Variants in PIAS1 observed in about 807,000 individuals in gnomAD.
PIAS1 encodes the protein E3 SUMO-protein ligase PIAS1.
In PIAS1, 6 loss-of-function variants were observed where a neutral mutation model predicts 71.3. The observed-to-expected ratio is 0.08, with a 90% CI of 0.05 to 0.17. The LOEUF is 0.17. Ranked by LOEUF, PIAS1 falls within the 10% of genes least tolerant of loss-of-function variation. The probability of loss-of-function intolerance (pLI) is 1.00; values close to 1 mark genes in which losing one functional copy is unlikely to be tolerated. For synonymous variants in PIAS1, 303 were observed against 292.9 expected, an observed-to-expected ratio of 1.03 and a Z score of -0.35; for missense variants, 555 against 793.6, an observed-to-expected ratio of 0.70 and a Z score of 3.61.
At chr15:68,085,941 A>T (rs1251224671) in intron 1 of PIAS1, among the ~76,000 whole-genome samples, 1 of 152,190 alleles carries the variant, frequency 6.6e-6, no homozygotes, top group Non-Finnish European at 1.5e-5. Context: ...GCACATCATT[A>T]CGTTTTGCCA....
intron 1 of PIAS1, among the ~76,000 whole-genome samples, chr15:68,066,664 T>G (rs894656234): frequency 1.3e-5 from 2 of 152,168 alleles, no homozygotes; most frequent in Non-Finnish European, 2.9e-5. Context: ...TGTGAAAAAC[T>G]TCAGCCTCTG....
intron 1 of PIAS1, among the ~76,000 whole-genome samples, chr15:68,058,755 A>G (rs1481195717): frequency 6.6e-6 from 1 of 152,202 alleles, no homozygotes; most frequent in Non-Finnish European, 1.5e-5. Flanking sequence ...GTAAGCAGAA[A>G]AATAAACAGT....
At position 68,141,950 on chromosome 15, in the gene PIAS1, A is replaced by G. The variant is rs370413077; in HGVS notation, c.474A>G (p.Ser158=). The change falls in exon 3 of 14, where the codon TCA becomes TCG. Residue 158 remains serine, a synonymous_variant. Transcript: ENST00000249636. ...TATAATTCTTGTCTTCTTTAGCATC[A>G]GACAACAGTCAGCGCTTTCGAGAAA... is the stretch of plus-strand genomic sequence containing the variant. ...DELIKPTSLA[S]DNSQRFRETC... is the part of the protein sequence containing the mutation. 1 of 1,597,856 alleles carries G rather than the reference A, an allele frequency of 6.3e-7. No individual in the cohort carries two copies. The highest frequency in any genetic ancestry group is 1.3e-5 in the African/African-American group (1 of 74,698).
Position 68,054,570 on chromosome 15 carries a change from G to A in PIAS1, c.24+220G>A. ...GGGGCGCTGACGGGTCGTCCCCGGC[G>A]TGTTATTGTTGTGGGCGCCTCTGGC... On this transcript the variant is annotated intron_variant, in intron 1 of 13. Transcript: ENST00000249636. This position sits in a 1 kb window ranked among gnomAD's most constrained non-coding sequence, Gnocchi z 4.6. 1 of 480,220 alleles carries A rather than the reference G, an allele frequency of 2.1e-6. No individual in the cohort carries two copies. The highest frequency in any genetic ancestry group is 3.7e-6 in the Non-Finnish European group (1 of 271,654). 29.7% of individuals were successfully genotyped at this position (480,220 alleles called of 1,614,324 possible). A position where few individuals can be genotyped will look rare whatever the true frequency, so the allele number is the denominator to read the frequency against.
intron 2 of PIAS1, among the ~76,000 whole-genome samples, chr15:68,138,487 T>C (rs776455393): frequency 1.3e-5 from 2 of 152,302 alleles, no homozygotes; most frequent in Non-Finnish European, 2.9e-5. Context: ...TATGAATGAA[T>C]GAATGAGACG....
At chr15:68,064,906 GATTA>G (rs1194829326) in intron 1 of PIAS1, among the ~76,000 whole-genome samples, 2 of 152,014 alleles carry the variant, frequency 1.3e-5, no homozygotes, top group African/African-American at 2.4e-5. Context: ...ACAAGTAATG[GATTA>G]ATTAATTAAT....
chr15:68,087,322 GTGT>G (rs2092292697), intron 2 of PIAS1, among the ~76,000 whole-genome samples: 1 of 152,046 alleles, frequency 6.6e-6, no homozygotes, highest in Admixed American at 6.6e-5. Flanking sequence ...TTATTTTACT[GTGT>G]TGTTCCATCA....
At chr15:68,139,881 G>C (rs1048456724) in intron 2 of PIAS1, among the ~76,000 whole-genome samples, 1 of 152,118 alleles carries the variant, frequency 6.6e-6, no homozygotes, top group Non-Finnish European at 1.5e-5. Flanking sequence ...ACTCATTTCA[G>C]TATGAAGATT....
intron 2 of PIAS1, among the ~76,000 whole-genome samples, chr15:68,115,903 T>C (rs12594639): frequency 6.6e-6 from 1 of 152,248 alleles, no homozygotes; most frequent in African/African-American, 2.4e-5. Flanking sequence ...TAAATTATTG[T>C]TTTTCCATAT....
intron 5 of PIAS1, 112 bp downstream of exon 5, chr15:68,146,018 A>G (rs2092805281): frequency 2.9e-6 from 2 of 686,042 alleles, no homozygotes; most frequent in Non-Finnish European, 5.2e-6. Flanking sequence ...TTTATTTTGG[A>G]TATATATTCA....
chr15:68,182,829 C>T (rs1164210056), intron 12 of PIAS1, among the ~76,000 whole-genome samples: 2 of 152,100 alleles, frequency 1.3e-5, no homozygotes, highest in African/African-American at 4.8e-5. Context: ...TGTAAGCCTT[C>T]GTGTTGTAAT....
Position 68,077,656 on chromosome 15 carries a change from A to G in PIAS1, c.25-8650A>G, listed in dbSNP as rs1217856951. ...TGGAGTTTTAGACAAGAAGATCTTT[A>G]AGTTCTGTTTTTGATACTCTGTTGC... On this transcript the variant is annotated intron_variant, in intron 1 of 13. Transcript: ENST00000249636. 3.3e-5 allele frequency among the ~76,000 whole-genome samples: 5 copies of G among 152,210 alleles called. No individual in the cohort carries two copies. The East Asian group carries it at 9.6e-4, about 29-fold the overall frequency.
chr15:68,083,149 G>GTC (rs2092244831), intron 1 of PIAS1, among the ~76,000 whole-genome samples: 1 of 112,258 alleles, frequency 8.9e-6, no homozygotes, highest in Admixed American at 9.1e-5. Flanking sequence ...ATTTTGTTGT[G>GTC]CTAACAAATG....
In PIAS1 at chr15:68,054,378, A is replaced by C; in HGVS notation, c.24+28A>C. On this transcript the variant is annotated intron_variant, in intron 1 of 13. Coordinates refer to ENST00000249636, the MANE Select transcript of PIAS1 (RefSeq NM_016166.3). The surrounding 1 kb of genome is among the most constrained non-coding windows in gnomAD (Gnocchi z 4.6). ...AAAGCGCAGCTCGAATTCACTTCTA[A>C]TATTCGGCCGCGGAGACGGCGCCGC... The C allele has an allele frequency of 3.2e-6, 5 of 1,561,016 alleles. No individual in the cohort carries two copies. In the South Asian group the frequency reaches 4.7e-5, roughly 15 times the overall value.
At chr15:68,161,259 A>G (rs2092922289) in intron 7 of PIAS1, among the ~76,000 whole-genome samples, 2 of 152,260 alleles carry the variant, frequency 1.3e-5, no homozygotes, top group African/African-American at 4.8e-5. Flanking sequence ...CAAGATTTGT[A>G]TGCCGAAAAC....
chr15:68,091,325 A>G (rs2092331080), intron 2 of PIAS1, among the ~76,000 whole-genome samples: 1 of 152,118 alleles, frequency 6.6e-6, no homozygotes, highest in African/African-American at 2.4e-5. Flanking sequence ...GTTTATAGTT[A>G]TTGTTTAAAT....
intron 1 of PIAS1, among the ~76,000 whole-genome samples, chr15:68,069,335 C>T (rs551370531): frequency 1.6e-4 from 24 of 152,276 alleles, no homozygotes; most frequent in Non-Finnish European, 2.5e-4. Flanking sequence ...TTCTCCCTTA[C>T]GCTCCCCTCC....
chr15:68,069,095 C>A (rs1385840919), intron 1 of PIAS1, among the ~76,000 whole-genome samples: 2 of 151,574 alleles, frequency 1.3e-5, no homozygotes, highest in African/African-American at 2.4e-5. Context: ...GGGGTTTCAC[C>A]ATGTTGGCCA....
chr15:68,167,096 C>T lies in PIAS1; in HGVS notation c.1008+2292C>T, dbSNP rs1185977829. Among the ~76,000 whole-genome samples the T allele has an allele frequency of 6.6e-6, 1 of 152,178 alleles. No individual in the cohort carries two copies. The highest frequency in any genetic ancestry group is 1.5e-5 in the Non-Finnish European group (1 of 68,024). On this transcript the variant is annotated intron_variant, in intron 8 of 13. Coordinates refer to ENST00000249636, the MANE Select transcript of PIAS1 (RefSeq NM_016166.3). This position sits in a 1 kb window ranked among gnomAD's most constrained non-coding sequence, Gnocchi z 4.4. ...CCTGCCTTGGCCTCCCTTGGGATTACAGGCGTGAGCCACCACACCTGGCCA... is the reference window on the plus strand; with the variant it reads ...CCTGCCTTGGCCTCCCTTGGGATTATAGGCGTGAGCCACCACACCTGGCCA...
Sources: gnomAD v4.1 joint callset for allele counts (sites outside exome capture counted in the v4.1 genomes callset) on GRCh38, gnomAD v4.1.1 for gene constraint, Gnocchi (gnomAD v3.1) non-coding constraint, MANE v1.5 for transcripts, NCBI Gene and HGNC (gene_info 2026-07-23, HGNC 2026-07-21) for gene names.